The following SYN2 variants were observed in gnomAD, a reference collection of about 807,000 sequenced individuals.
SYN2 encodes synapsin II, also known as synapsin-2.
In SYN2, 19 loss-of-function variants were observed where a neutral mutation model predicts 50.9. The observed-to-expected ratio is 0.37, with a 90% CI of 0.26 to 0.55. SYN2 has a LOEUF of 0.55. Among genes scored for constraint, SYN2 ranks in the 20% least tolerant of loss-of-function variants. SYN2 has a pLI of 0.81. For synonymous variants in SYN2, 255 were observed against 224.9 expected (o/e 1.13, Z -1.20); for missense variants, 587 against 576.4 (o/e 1.02, Z -0.19).
At chr3:12,158,338 G>A (rs973006632) in intron 5 of SYN2, among the ~76,000 whole-genome samples, 1 of 152,194 alleles carries the variant, frequency 6.6e-6, no homozygotes, top group Admixed American at 6.5e-5. Flanking sequence ...GACAGACACG[G>A]GTAGTTACAA....
intron 1 of SYN2, among the ~76,000 whole-genome samples, chr3:12,067,205 G>GA (rs1312478755): frequency 2.0e-5 from 3 of 152,054 alleles, no homozygotes; most frequent in African/African-American, 7.2e-5. Flanking sequence ...CCCTAGGGGA[G>GA]AAAAGACAAA....
At chr3:12,173,118 A>G (rs1697974666) in intron 10 of SYN2, among the ~76,000 whole-genome samples, 3 of 152,206 alleles carry the variant, frequency 2.0e-5, no homozygotes, top group Admixed American at 2.0e-4. Flanking sequence ...GGTAACCTCT[A>G]TTAGCTTCCT....
chr3:12,104,560 C>G (rs368092757), intron 1 of SYN2, among the ~76,000 whole-genome samples: 1 of 84,302 alleles, frequency 1.2e-5, no homozygotes, highest in Non-Finnish European at 2.4e-5. Flanking sequence ...AAACATTTTT[C>G]TTTTCTTTTC....
chr3:12,026,384 C>G (rs974836870), intron 1 of SYN2, among the ~76,000 whole-genome samples: 5 of 151,746 alleles, frequency 3.3e-5, no homozygotes, highest in African/African-American at 1.2e-4. Flanking sequence ...CTGAAATGAG[C>G]AAAATTTCTA....
intron 1 of SYN2, among the ~76,000 whole-genome samples, chr3:12,126,930 A>T (rs1168635799): frequency 6.6e-6 from 1 of 152,180 alleles, no homozygotes; most frequent in Non-Finnish European, 1.5e-5. Flanking sequence ...GTTTTAGAGC[A>T]GGGTAAAGTC....
At chr3:12,070,957 G>A in intron 1 of SYN2, 1 of 549,512 alleles carries the variant, frequency 1.8e-6, no homozygotes, top group South Asian at 1.5e-5. Flanking sequence ...GAAGAGCTAG[G>A]AGCTGCCTGA....
intron 1 of SYN2, among the ~76,000 whole-genome samples, chr3:12,133,049 A>C (rs1696826869): frequency 6.6e-6 from 1 of 152,152 alleles, no homozygotes; most frequent in African/African-American, 2.4e-5. Flanking sequence ...TCATCTTGGC[A>C]TTTTAATCCC....
At chr3:12,017,691 CCAT>C (rs1401693495) in intron 1 of SYN2, among the ~76,000 whole-genome samples, 1 of 152,172 alleles carries the variant, frequency 6.6e-6, no homozygotes, top group Non-Finnish European at 1.5e-5. Flanking sequence ...GAATGTTCCA[CCAT>C]GACAAGCAGA....
chr3:12,112,179 C>T (rs1002706515), intron 1 of SYN2, among the ~76,000 whole-genome samples: 2 of 152,076 alleles, frequency 1.3e-5, no homozygotes, highest in Non-Finnish European at 2.9e-5. Flanking sequence ...TGCTTGGGAT[C>T]TGAAAGCAAA....
chr3:12,189,684 TCCCAG>T, intron 12 of SYN2, among the ~76,000 whole-genome samples: 1 of 152,132 alleles, frequency 6.6e-6, no homozygotes, highest in African/African-American at 2.4e-5. Flanking sequence ...CCATCTGTAG[TCCCAG>T]CTACTTGGGA....
intron 1 of SYN2, among the ~76,000 whole-genome samples, chr3:12,098,750 A>C (rs1056607165): frequency 6.6e-6 from 1 of 151,370 alleles, no homozygotes; most frequent in Non-Finnish European, 1.5e-5. Flanking sequence ...ACACTTAAAA[A>C]ACAGAATGAC....
In SYN2 at chr3:12,162,096, A is replaced by G. The variant is rs527992841; in HGVS notation, c.922A>G (p.Ile308Val). ...GACCTATGCCACTGCAGAGCCTTTC[A>G]TTGACTCCAAGTATGACATCCGGGT... ...TQTYATAEPF[I>V]DSKYDIRVQK... is the part of the protein sequence containing the mutation. Residue 308 changes from isoleucine to valine, a missense_variant, in exon 7 of 13, where the codon ATT becomes GTT. Transcript: ENST00000621198. The G allele has an allele frequency of 1.2e-6, 2 of 1,614,098 alleles. No individual in the cohort carries two copies. Among genetic ancestry groups the G allele is most frequent in the African/African-American group, 2.7e-5 (2 of 75,034 alleles).
In SYN2 at chr3:12,050,897, G is replaced by A. The variant is rs547109950; in HGVS notation, c.377+45969G>A. 1.5e-4 allele frequency among the ~76,000 whole-genome samples: 22 copies of A among 150,496 alleles called. No homozygotes were observed. In the East Asian group the frequency reaches 2.8e-3, roughly 19 times the overall value. ...ACTACAGGCGCCCGCCACCGCGCCC[G>A]GCTACTTTTTTGTATTTTTAGTAGA... On this transcript the variant is annotated intron_variant, in intron 1 of 12. Transcript: ENST00000621198.
rs374257603 is a variant in SYN2 at position 12,072,693 on chromosome 3, T to C, written c.377+67765T>C. Among the ~76,000 whole-genome samples, 5 of 152,368 alleles carry C rather than the reference T, an allele frequency of 3.3e-5. No homozygotes were observed. The South Asian group carries it at 1.0e-3, about 32-fold the overall frequency. On this transcript the variant is annotated intron_variant, in intron 1 of 12. Transcript: ENST00000621198. ...ATGTTTTTAGCTTCCAAGAGCTCTT[T>C]GTTTTTCTCCAATTGCTTCCATATT...
At chr3:12,101,457 A>G (rs1211983413) in intron 1 of SYN2, among the ~76,000 whole-genome samples, 1 of 152,096 alleles carries the variant, frequency 6.6e-6, no homozygotes, top group African/African-American at 2.4e-5. Flanking sequence ...AGACAAAATA[A>G]ATTAGTGATT....
intron 4 of SYN2, among the ~76,000 whole-genome samples, chr3:12,149,725 C>T (rs1327591128): frequency 1.3e-5 from 2 of 152,166 alleles, no homozygotes; most frequent in Non-Finnish European, 2.9e-5. Flanking sequence ...GCTCTAGAGT[C>T]ACCAATTGTT....
rs1227967129 is a variant in SYN2, at chr3:12,045,323, A to G, written c.377+40395A>G. On this transcript the variant is annotated intron_variant, in intron 1 of 12. Coordinates refer to ENST00000621198, the MANE Select transcript of SYN2 (RefSeq NM_133625.6). ...TTTTTCTGATGCAGTAAAAAGGAGT[A>G]GATAAAAAGTGAAATGGATTGTTCT... 5.9e-5 allele frequency among the ~76,000 whole-genome samples: 9 copies of G among 152,230 alleles called. No individual in the cohort carries two copies. The East Asian group carries it at 1.3e-3, about 23-fold the overall frequency.
chr3:12,188,345 G>C (rs966833126), intron 12 of SYN2, among the ~76,000 whole-genome samples: 2 of 152,226 alleles, frequency 1.3e-5, no homozygotes, highest in Admixed American at 6.5e-5. Context: ...ACGATGGTCA[G>C]TTCTGCCCTC....
intron 1 of SYN2, among the ~76,000 whole-genome samples, chr3:12,103,346 T>A (rs1057180267): frequency 1.9e-4 from 29 of 152,014 alleles, no homozygotes; most frequent in Admixed American, 1.3e-4. Flanking sequence ...AAGAAGTGAG[T>A]GAGCTTTTCT....
Sources: gnomAD v4.1 joint callset for allele counts (sites outside exome capture counted in the v4.1 genomes callset) on GRCh38, gnomAD v4.1.1 for gene constraint, MANE v1.5 for transcripts, NCBI Gene and HGNC (gene_info 2026-07-23, HGNC 2026-07-21) for gene names.